Variants in TBR1 observed in about 807,000 individuals in gnomAD.
TBR1 encodes T-box brain protein 1.
In TBR1, 7 loss-of-function variants were observed where a neutral mutation model predicts 60.3. The ratio of observed to expected loss-of-function variants is 0.12; its 90% CI spans 0.07 to 0.22. TBR1 has a LOEUF of 0.22. Among genes scored for constraint, TBR1 ranks in the 10% least tolerant of loss-of-function variants. The pLI is 1.00. For missense variants in TBR1, 616 were observed against 936.8 expected (o/e 0.66, Z 4.47); for synonymous variants, 417 against 409.9 (o/e 1.02, Z -0.21).
At position 161,417,277 on chromosome 2, in the gene TBR1, G is replaced by T; in HGVS notation, c.692+175G>T. The T allele has an allele frequency of 1.5e-6, 1 of 679,592 alleles. No homozygotes were observed. The allele number at this position is 679,592 out of a possible 1,614,324, so 42.1% of individuals were successfully genotyped here. A position where few individuals can be genotyped will look rare whatever the true frequency, so the allele number is the denominator to read the frequency against. ...AAGGGATAACCGCCAGGGTGATGTT[G>T]GTGGGGGGGACCCCGTTCTAGGAAC... is the stretch of plus-strand genomic sequence containing the variant. On this transcript the variant is annotated intron_variant, in intron 1 of 5. Coordinates refer to ENST00000389554, the MANE Select transcript of TBR1 (RefSeq NM_006593.4). The surrounding 1 kb of genome is among the most constrained non-coding windows in gnomAD (Gnocchi z 5.3).
intron 5 of TBR1, 79 bp from the exon 6 acceptor site, chr2:161,423,290 T>G: frequency 9.0e-7 from 1 of 1,106,924 alleles, no homozygotes; most frequent in East Asian, 2.8e-5. Flanking sequence ...GAGGTGGCCT[T>G]CCCTTCTGCC....
rs1461903512 is a variant in TBR1, at chr2:161,423,363, C to T, written c.1191-6C>T. The T allele has an allele frequency of 1.9e-5, 28 of 1,499,960 alleles. No homozygotes were observed. The highest frequency in any genetic ancestry group is 2.7e-5 in the South Asian group (2 of 74,840). 92.9% of individuals were successfully genotyped at this position (1,499,960 alleles called of 1,614,324 possible). A position where few individuals can be genotyped will look rare whatever the true frequency, so the allele number is the denominator to read the frequency against. On this transcript the variant is annotated splice_region_variant and splice_polypyrimidine_tract_variant and intron_variant, in intron 5 of 5. Transcript: ENST00000389554. ...GGCTCTCTCTCTCTCTCTCCCTACC[C>T]CGCAGGATCTACACCGGCTGTGACA... is the stretch of plus-strand genomic sequence containing the variant.
chr2:161,416,524 C>T lies in TBR1; in HGVS notation c.114C>T (p.Pro38=). The change falls in exon 1 of 6, where the codon CCC becomes CCT. Residue 38 remains proline, a synonymous_variant. Coordinates refer to ENST00000389554, the MANE Select transcript of TBR1 (RefSeq NM_006593.4). The surrounding 1 kb of genome is among the most constrained non-coding windows in gnomAD (Gnocchi z 6.1). The part of the protein sequence containing the change: ...GGSELVLHDH[P]IISTTDNLER... The stretch of plus-strand genomic sequence containing the variant: ...CCGAGCTTGTCTTGCACGATCATCC[C>T]ATTATCTCGACCACTGACAACCTGG... The T allele has an allele frequency of 6.2e-7, 1 of 1,614,164 alleles. No homozygotes were observed. Among genetic ancestry groups the T allele is most frequent in the Non-Finnish European group, 8.5e-7 (1 of 1,180,030 alleles).
At position 161,418,198 on chromosome 2, in the gene TBR1, T is replaced by C; in HGVS notation, c.848-3T>C. The C allele has an allele frequency of 1.2e-6, 2 of 1,611,026 alleles. No homozygotes were observed. Among genetic ancestry groups the C allele is most frequent in the Non-Finnish European group, 1.7e-6 (2 of 1,179,020 alleles). On this transcript the variant is annotated splice_region_variant and splice_polypyrimidine_tract_variant and intron_variant, in intron 2 of 5. Coordinates refer to ENST00000389554, the MANE Select transcript of TBR1 (RefSeq NM_006593.4). The stretch of plus-strand genomic sequence containing the variant: ...TATGTAAACAATGTATTTCTTTCTC[T>C]AGGAAATCGGGTCTATATGCATCCG...
intron 4 of TBR1, 63 bp from the exon 5 acceptor site, chr2:161,420,133 T>C (rs1186677382): frequency 2.1e-6 from 3 of 1,433,832 alleles, no homozygotes; most frequent in Non-Finnish European, 2.9e-6. Context: ...AGATGATATA[T>C]TCTCAAACAC....
chr2:161,417,847 A>G lies in TBR1; in HGVS notation c.847+17A>G. ...ATGTGCAAGGCAAGTCCTTCCAATT[A>G]ACACATTTTCTTGACACTTATTTAG... On this transcript the variant is annotated intron_variant, in intron 2 of 5. Transcript: ENST00000389554. The surrounding 1 kb of genome is among the most constrained non-coding windows in gnomAD (Gnocchi z 5.3). 4.3e-6 allele frequency: 7 copies of G among 1,612,466 alleles called. No homozygotes were observed. Among genetic ancestry groups the G allele is most frequent in the Non-Finnish European group, 5.9e-6 (7 of 1,179,386 alleles).
At chr2:161,418,817 C>A in intron 3 of TBR1, 75 bp from the exon 4 acceptor site, 3 of 1,530,416 alleles carry the variant, frequency 2.0e-6, no homozygotes, top group African/African-American at 1.4e-5. Context: ...GGCGCGCAGC[C>A]GGGCGCACAC....
chr2:161,420,930 G>C (rs1365914489), intron 5 of TBR1: 1 of 152,180 alleles, frequency 6.6e-6, no homozygotes, highest in Non-Finnish European at 1.5e-5. Flanking sequence ...TTTCCTCTTT[G>C]TTTTGTATCT....
rs1684292696 is a variant in TBR1, at chr2:161,424,590, C to G, written c.*363C>G. The G allele has an allele frequency of 5.4e-6, 1 of 184,456 alleles. No individual in the cohort carries two copies. The highest frequency in any genetic ancestry group is 1.5e-4 in the East Asian group (1 of 6,862). 11.4% of individuals were successfully genotyped at this position (184,456 alleles called of 1,614,324 possible). On this transcript the variant is annotated 3_prime_UTR_variant, in exon 6 of 6. Coordinates refer to ENST00000389554, the MANE Select transcript of TBR1 (RefSeq NM_006593.4). The surrounding 1 kb of genome is among the most constrained non-coding windows in gnomAD (Gnocchi z 4.4). ...CTTTAGGAGACCTGGGCAGTCCTGT[C>G]AGGCAGCAGCGATTCCGACCCGCCA...
In TBR1 at chr2:161,417,336, G is replaced by C. The variant is rs1261711061; in HGVS notation, c.692+234G>C. On this transcript the variant is annotated intron_variant, in intron 1 of 5. Coordinates refer to ENST00000389554, the MANE Select transcript of TBR1 (RefSeq NM_006593.4). The surrounding 1 kb of genome is among the most constrained non-coding windows in gnomAD (Gnocchi z 5.3). ...AGAGCCAGTCAGTGGCCAGAGGAAG[G>C]CAAGAAAAAGGAAGAGCCCTGGCCA... 5.2e-6 allele frequency: 3 copies of C among 581,620 alleles called. No individual in the cohort carries two copies. The highest frequency in any genetic ancestry group is 8.9e-6 in the Non-Finnish European group (3 of 337,294). The allele number at this position is 581,620 out of a possible 1,614,324, so 36.0% of individuals were successfully genotyped here.
intron 3 of TBR1, 66 bp from the exon 4 acceptor site, chr2:161,418,826 A>G (rs1359160384): frequency 1.3e-6 from 2 of 1,549,244 alleles, no homozygotes; most frequent in African/African-American, 1.4e-5. Flanking sequence ...CCGGGCGCAC[A>G]CAGCCACGCG....
chr2:161,424,325 C>A lies in TBR1; in HGVS notation c.*98C>A. ...GCCTCCCCACACTCCTCCTTGCGCA[C>A]CCACTCATTTTATTTGACCCTCGAT... is the stretch of plus-strand genomic sequence containing the variant. On this transcript the variant is annotated 3_prime_UTR_variant, in exon 6 of 6. Transcript: ENST00000389554. The surrounding 1 kb of genome is among the most constrained non-coding windows in gnomAD (Gnocchi z 4.4). 1.5e-6 allele frequency: 2 copies of A among 1,317,574 alleles called. No homozygotes were observed. The highest frequency in any genetic ancestry group is 2.6e-5 in the East Asian group (1 of 39,034). 81.6% of individuals were successfully genotyped at this position (1,317,574 alleles called of 1,614,324 possible).
rs755926306 is a variant in TBR1, at chr2:161,418,217, G to A, written c.864G>A (p.Met288Ile). The A allele has an allele frequency of 2.5e-6, 4 of 1,613,444 alleles. No individual in the cohort carries two copies. In the South Asian group the frequency reaches 3.3e-5, roughly 13 times the overall value. The change falls in exon 3 of 6, where the codon ATG (methionine) becomes ATA (isoleucine). Residue 288 changes from methionine to isoleucine, a missense_variant. Around this residue, in one of 8 missense-constraint regions of TBR1, gnomAD observed 85 missense variants for 164.9 expected, o/e 0.52. Coordinates refer to ENST00000389554, the MANE Select transcript of TBR1 (RefSeq NM_006593.4). ...TTTCTCTAGGAAATCGGGTCTATAT[G>A]CATCCGGATTCCCCCAACACTGGGG... The part of the protein sequence containing the change: ...DTNVQGNRVY[M>I]HPDSPNTGAH...
At chr2:161,418,023 C>T (rs1008279218) in intron 2 of TBR1, 178 bp from the exon 3 acceptor site, 95 of 1,453,026 alleles carry the variant, frequency 6.5e-5, no homozygotes, top group Admixed American at 8.5e-5. Context: ...TTAATCACCC[C>T]CAGTTAATAG....
Position 161,417,448 on chromosome 2 carries a change from C to A in TBR1, c.693-228C>A. On this transcript the variant is annotated intron_variant, in intron 1 of 5. Transcript: ENST00000389554. The surrounding 1 kb of genome is among the most constrained non-coding windows in gnomAD (Gnocchi z 5.3). The stretch of plus-strand genomic sequence containing the variant: ...TCGCCAACCTCGCTCTCCACCTGGG[C>A]AGTGATAACTGCCACCTTCCCACTC... The A allele has an allele frequency of 1.6e-6, 1 of 612,660 alleles. No homozygotes were observed. Among genetic ancestry groups the A allele is most frequent in the Non-Finnish European group, 2.8e-6 (1 of 358,664 alleles). The allele number at this position is 612,660 out of a possible 1,614,324, so 38.0% of individuals were successfully genotyped here.
intron 5 of TBR1, chr2:161,422,596 AAAG>A (rs757989785): frequency 3.3e-5 from 5 of 152,250 alleles, no homozygotes; most frequent in Admixed American, 2.0e-4. Context: ...AAAGCTAGGA[AAAG>A]AAGGTCAGAG....
At chr2:161,418,857 G>T in intron 3 of TBR1, 35 bp from the exon 4 acceptor site, 1 of 1,595,220 alleles carries the variant, frequency 6.3e-7, no homozygotes, top group Non-Finnish European at 8.6e-7. Flanking sequence ...GCGTTAACAC[G>T]CCACCCGGCG....
chr2:161,420,055 C>A, intron 4 of TBR1, 141 bp from the exon 5 acceptor site: 1 of 526,028 alleles, frequency 1.9e-6, no homozygotes, highest in South Asian at 3.8e-5. Context: ...CTCAATCCCT[C>A]AAATTTTTCA....
intron 5 of TBR1, chr2:161,421,562 C>A (rs896157977): frequency 5.3e-5 from 8 of 152,340 alleles, no homozygotes; most frequent in African/African-American, 1.9e-4. Context: ...GATTTTAATT[C>A]TGTTGTGAAC....
Sources: gnomAD v4.1 joint callset for allele counts on GRCh38, gnomAD v4.1.1 for gene constraint, gnomAD v4.1.1 regional missense constraint, Gnocchi (gnomAD v3.1) non-coding constraint, MANE v1.5 for transcripts, NCBI Gene and HGNC (gene_info 2026-07-23, HGNC 2026-07-21) for gene names.